CALCOCO2: variants seen among roughly 807,000 people sequenced by gnomAD.
The protein encoded by CALCOCO2 is calcium-binding and coiled-coil domain-containing protein 2.
CALCOCO2 carries 42 observed loss-of-function variants against 62.5 expected under a neutral mutation model. The observed-to-expected ratio is 0.67, with a 90% confidence interval of 0.53 to 0.87. CALCOCO2 has a LOEUF of 0.87. Ranked by LOEUF, CALCOCO2 falls within the 40% of genes least tolerant of loss-of-function variation. The pLI, the probability that CALCOCO2 is intolerant of heterozygous loss-of-function variation, is 0.00. For synonymous variants in CALCOCO2, 167 were observed against 173.0 expected, an observed-to-expected ratio of 0.97 and a Z score of 0.27; for missense variants, 456 against 515.0, an observed-to-expected ratio of 0.89 and a Z score of 1.11.
At chr17:48,845,154 A>T (rs200904297) in intron 2 of CALCOCO2, among the ~76,000 whole-genome samples, 7 of 152,062 alleles carry the variant, frequency 4.6e-5, no homozygotes, top group East Asian at 3.9e-4. Flanking sequence ...AATTTTTTTT[A>T]AAGATGTATC....
In CALCOCO2 at chr17:48,858,044, GAAAATAGAAT is replaced by G. The variant is rs1205197284; in HGVS notation, c.1008+1859_1008+1868del. On this transcript the variant is annotated intron_variant, in intron 10 of 12. Transcript: ENST00000258947. ...GAATAGAATAGAATAGAATAGAATA[GAAAATAGAAT>G]AGAATAGAATAGAATAGAATTTTAC... 3.7e-3 allele frequency among the ~76,000 whole-genome samples: 115 copies of G among 31,390 alleles called. 7 individuals carry two copies. Among genetic ancestry groups the G allele is most frequent in the South Asian group, 0.015 (15 of 974 alleles). 20.6% of individuals were successfully genotyped at this position (31,390 alleles called of 152,430 possible).
intron 10 of CALCOCO2, among the ~76,000 whole-genome samples, chr17:48,858,218 C>G (rs909349558): frequency 6.6e-6 from 1 of 151,934 alleles, no homozygotes; most frequent in Non-Finnish European, 1.5e-5. Flanking sequence ...TCACTTTCTA[C>G]TTTTGATTAT....
rs1204862384 is a variant in CALCOCO2, at chr17:48,855,906, G to A, written c.913-186G>A. The A allele has an allele frequency of 1.8e-5, 6 of 342,164 alleles. No individual in the cohort carries two copies. In the East Asian group the frequency reaches 2.1e-4, roughly 12 times the overall value. The allele number at this position is 342,164 out of a possible 1,614,324, so 21.2% of individuals were successfully genotyped here. On this transcript the variant is annotated intron_variant, in intron 9 of 12. Transcript: ENST00000258947. ...AATTGGCATCTTGATGCCAGCTCAG[G>A]CCTTCAGGTGTCTTTTTAAGTCACT...
chr17:48,859,254 C>G (rs2460420), intron 10 of CALCOCO2, among the ~76,000 whole-genome samples: 1 of 151,932 alleles, frequency 6.6e-6, no homozygotes, highest in African/African-American at 2.4e-5. Context: ...GGGATAAGAC[C>G]TGAAGAAGGA....
chr17:48,841,040 T>A (rs2039968826), intron 1 of CALCOCO2, among the ~76,000 whole-genome samples: 1 of 152,186 alleles, frequency 6.6e-6, no homozygotes, highest in African/African-American at 2.4e-5. Context: ...GGGGTAGATG[T>A]TATTTTTAGC....
Position 48,849,258 on chromosome 17 carries a change from G to T in CALCOCO2, c.424G>T (p.Val142Leu), listed in dbSNP as rs1567754647. ...ATGGAATGTTCTTTTGTAGGGAGAG[G>T]TGGAAGAGATTGAGCAGCACAACAA... is the stretch of plus-strand genomic sequence containing the variant. ...DILVVTTQGE[V>L]EEIEQHNKEL... The change falls in exon 5 of 13, where the codon GTG (valine) becomes TTG (leucine). Residue 142 changes from valine (V) to leucine (L), a missense_variant. Around this residue, in one of 3 missense-constraint regions of CALCOCO2, gnomAD observed 236 missense variants for 225.3 expected, o/e 1.05. Transcript: ENST00000258947. 6.2e-7 allele frequency: 1 copy of T among 1,613,748 alleles called. No homozygotes were observed. The highest frequency in any genetic ancestry group is 8.5e-7 in the Non-Finnish European group (1 of 1,179,750).
At chr17:48,838,753 TATGTGTACACAATCTTCCAGC>T (rs1567749718) in intron 1 of CALCOCO2, among the ~76,000 whole-genome samples, 1 of 152,134 alleles carries the variant, frequency 6.6e-6, no homozygotes, top group Non-Finnish European at 1.5e-5. Context: ...TGTGTGCCTG[TATGTGTACACAATCTTCCAGC>T]ATATACCAAT....
intron 4 of CALCOCO2, 188 bp downstream of exon 4, chr17:48,848,643 G>A (rs2040085547): frequency 1.6e-6 from 1 of 638,468 alleles, no homozygotes; most frequent in East Asian, 2.7e-5. Flanking sequence ...AACAATAAGT[G>A]GTTTCTTCTT....
chr17:48,831,559 T>C (rs1261279047), intron 1 of CALCOCO2: 1 of 152,292 alleles, frequency 6.6e-6, no homozygotes, highest in Non-Finnish European at 1.5e-5. Context: ...ACGAGTAGGT[T>C]TGATCCCTGA....
chr17:48,859,758 AC>A lies in CALCOCO2; in HGVS notation c.1009-555del, dbSNP rs1159367360. Among the ~76,000 whole-genome samples the A allele has an allele frequency of 2.6e-5, 4 of 152,198 alleles. No homozygotes were observed. In the South Asian group the frequency reaches 8.3e-4, roughly 31 times the overall value. ...GTTGGCATGTATTTAGAGATTTAAA[AC>A]TTTTTTGTATTAATATAAACAAAAT... is the stretch of plus-strand genomic sequence containing the variant. On this transcript the variant is annotated intron_variant, in intron 10 of 12. Transcript: ENST00000258947.
At chr17:48,856,215 C>CTTGGGGTTTTATA in intron 10 of CALCOCO2, 28 bp downstream of exon 10, 2 of 1,321,444 alleles carry the variant, frequency 1.5e-6, no homozygotes, top group Non-Finnish European at 2.2e-6. Context: ...GGTATAAAAC[C>CTTGGGGTTTTATA]CCAAGGTTTT....
chr17:48,834,607 C>G (rs2039865275), intron 1 of CALCOCO2, among the ~76,000 whole-genome samples: 1 of 152,194 alleles, frequency 6.6e-6, no homozygotes, highest in African/African-American at 2.4e-5. Flanking sequence ...CTCAGCAGTT[C>G]TCTGGGCTTC....
rs1207684550 is a variant in CALCOCO2, at chr17:48,837,778, A to G, written c.-10-3920A>G. On this transcript the variant is annotated intron_variant, in intron 1 of 12. Transcript: ENST00000258947. Reference sequence around the variant, plus strand: ...TCAAGAATAGACAGTTTAGTGCTCCAAAGTCCTGTTGCCTTCTTTATGAAA... The same window carrying G: ...TCAAGAATAGACAGTTTAGTGCTCCGAAGTCCTGTTGCCTTCTTTATGAAA... Among the ~76,000 whole-genome samples, 4 of 152,202 alleles carry G rather than the reference A, an allele frequency of 2.6e-5. No individual in the cohort carries two copies. In the East Asian group the frequency reaches 7.7e-4, roughly 29 times the overall value.
intron 4 of CALCOCO2, chr17:48,848,916 A>G (rs771225651): frequency 6.3e-6 from 3 of 474,134 alleles, no homozygotes; most frequent in Admixed American, 2.4e-5. Context: ...GAACACAATG[A>G]AGAATCAGTT....
At chr17:48,845,071 G>T (rs987188816) in intron 2 of CALCOCO2, among the ~76,000 whole-genome samples, 4 of 152,186 alleles carry the variant, frequency 2.6e-5, no homozygotes, top group Admixed American at 2.6e-4. Context: ...AAGAGGCAGA[G>T]GTTGCAGTGA....
chr17:48,832,864 C>T (rs776640889), intron 1 of CALCOCO2, among the ~76,000 whole-genome samples: 2 of 152,184 alleles, frequency 1.3e-5, no homozygotes, highest in Non-Finnish European at 2.9e-5. Flanking sequence ...CCATCTTCCC[C>T]TAGAACTGGC....
intron 1 of CALCOCO2, chr17:48,831,579 C>A (rs2039813449): frequency 6.6e-6 from 1 of 152,262 alleles, no homozygotes; most frequent in Non-Finnish European, 1.5e-5. Flanking sequence ...AAGCGCCTTG[C>A]CTTTTGCATG....
At position 48,849,242 on chromosome 17, in the gene CALCOCO2, T is replaced by A; in HGVS notation, c.418-10T>A. ...ACTTGGAATATAGTTTATGGAATGT[T>A]CTTTTGTAGGGAGAGGTGGAAGAGA... On this transcript the variant is annotated splice_polypyrimidine_tract_variant and intron_variant, in intron 4 of 12. Coordinates refer to ENST00000258947, the MANE Select transcript of CALCOCO2 (RefSeq NM_005831.5). 6.2e-7 allele frequency: 1 copy of A among 1,613,500 alleles called. No homozygotes were observed. The highest frequency in any genetic ancestry group is 8.5e-7 in the Non-Finnish European group (1 of 1,179,568).
chr17:48,842,856 G>A (rs2143596855), intron 2 of CALCOCO2, among the ~76,000 whole-genome samples: 1 of 151,910 alleles, frequency 6.6e-6, no homozygotes, highest in South Asian at 2.1e-4. Flanking sequence ...GGTCAGGCTG[G>A]TCTTGAATTC....
Sources: gnomAD v4.1 joint callset for allele counts (sites outside exome capture counted in the v4.1 genomes callset) on GRCh38, gnomAD v4.1.1 for gene constraint, gnomAD v4.1.1 regional missense constraint, MANE v1.5 for transcripts, NCBI Gene and HGNC (gene_info 2026-07-23, HGNC 2026-07-21) for gene names.